HDAC9: variants seen among roughly 807,000 people sequenced by gnomAD.
HDAC9 encodes the protein MEF-2 interacting transcription repressor (MITR) protein.
A neutral mutation model predicts 139.4 loss-of-function variants in HDAC9; 41 were observed. That is an observed-to-expected ratio of 0.29 (90% CI 0.23 to 0.38). The LOEUF (loss-of-function observed/expected upper bound fraction) is 0.38, where lower values mean the gene tolerates loss of function less well. Ranked by LOEUF, HDAC9 falls within the 10% of genes least tolerant of loss-of-function variation. The probability of loss-of-function intolerance (pLI) is 1.00; values close to 1 mark genes in which losing one functional copy is unlikely to be tolerated. For missense variants in HDAC9, 1,147 were observed against 1,297.0 expected (o/e 0.88, Z 1.78); for synonymous variants, 517 against 476.2 (o/e 1.09, Z -1.12).
chr7:18,558,474 A>T (rs952142804), intron 2 of HDAC9, among the ~76,000 whole-genome samples: 7 of 152,288 alleles, frequency 4.6e-5, no homozygotes, highest in Non-Finnish European at 7.4e-5. Flanking sequence ...TGTATCCACC[A>T]TACTCTACAG....
chr7:18,245,344 G>T (rs1794454554), intron 2 of HDAC9, among the ~76,000 whole-genome samples: 1 of 152,140 alleles, frequency 6.6e-6, no homozygotes, highest in African/African-American at 2.4e-5. Context: ...TGCAACCCCT[G>T]ACTTTTCTAT....
At chr7:18,590,204 A>G in intron 3 of HDAC9, 132 bp from the exon 4 acceptor site, 2 of 936,782 alleles carry the variant, frequency 2.1e-6, no homozygotes, top group Non-Finnish European at 3.2e-6. Flanking sequence ...TCAATGATTT[A>G]CAGAAAAAGT....
chr7:18,247,616 C>A (rs1349411410), intron 2 of HDAC9, among the ~76,000 whole-genome samples: 2 of 152,102 alleles, frequency 1.3e-5, no homozygotes, highest in African/African-American at 4.8e-5. Flanking sequence ...GAGGGCAGTA[C>A]CCCCTTCTTC....
intron 1 of HDAC9, among the ~76,000 whole-genome samples, chr7:18,367,386 C>A (rs567817999): frequency 6.6e-6 from 1 of 152,002 alleles, no homozygotes; most frequent in Non-Finnish European, 1.5e-5. Context: ...TATAACACAT[C>A]TGATATTGAA....
At chr7:18,590,120 A>G (rs888692700) in intron 3 of HDAC9, among the ~76,000 whole-genome samples, 1 of 152,246 alleles carries the variant, frequency 6.6e-6, no homozygotes, top group Non-Finnish European at 1.5e-5. Context: ...GGATGCACAG[A>G]TAATGGAGCT....
rs1035839011 is a variant in HDAC9 at position 18,622,934 on chromosome 7, A to G, written c.665-6416A>G. Among the ~76,000 whole-genome samples, 103 of 151,918 alleles carry G rather than the reference A, an allele frequency of 6.8e-4. 1 individual carries two copies. Among genetic ancestry groups the G allele is most frequent in the Non-Finnish European group, 9.6e-4 (65 of 67,990 alleles). The stretch of plus-strand genomic sequence containing the variant: ...CAAGGCAAGCAGAACGCTTGAGCCC[A>G]GGAATTTGAGACCAGCTTGGACAAT... On this transcript the variant is annotated intron_variant, in intron 6 of 25. Transcript: ENST00000686413.
intron 1 of HDAC9, among the ~76,000 whole-genome samples, chr7:18,105,019 A>G (rs1266247996): frequency 6.6e-6 from 1 of 151,564 alleles, no homozygotes; most frequent in Non-Finnish European, 1.5e-5. Context: ...TACTTTTGGA[A>G]TAGCCTTTCT....
At chr7:18,859,223 C>G (rs1289489195) in intron 21 of HDAC9, among the ~76,000 whole-genome samples, 2 of 152,138 alleles carry the variant, frequency 1.3e-5, no homozygotes, top group Non-Finnish European at 2.9e-5. Context: ...ATGCCTGGCA[C>G]CTAGTACATT....
chr7:18,336,732 T>C (rs1000950509), intron 1 of HDAC9, among the ~76,000 whole-genome samples: 1 of 151,634 alleles, frequency 6.6e-6, no homozygotes, highest in African/African-American at 2.4e-5. Flanking sequence ...ATTTATTCCT[T>C]GTCTATATTC....
chr7:18,256,585 C>A (rs1476074267), intron 2 of HDAC9, among the ~76,000 whole-genome samples: 1 of 152,142 alleles, frequency 6.6e-6, no homozygotes, highest in African/African-American at 2.4e-5. Context: ...TGGGAACAAT[C>A]ATAAGGAATT....
intron 12 of HDAC9, among the ~76,000 whole-genome samples, chr7:18,711,657 C>T (rs1221239765): frequency 2.0e-5 from 3 of 152,202 alleles, no homozygotes; most frequent in African/African-American, 7.2e-5. Flanking sequence ...TTACAATCCT[C>T]AGAGTGCAAA....
intron 1 of HDAC9, among the ~76,000 whole-genome samples, chr7:18,440,034 A>C (rs1411288213): frequency 6.6e-6 from 1 of 152,172 alleles, no homozygotes; most frequent in Non-Finnish European, 1.5e-5. Flanking sequence ...CTCTTAATAC[A>C]TTATCAAGGA....
In HDAC9 at chr7:18,375,911, A is replaced by G. The variant is rs546809616; in HGVS notation, c.-42+85396A>G. Among the ~76,000 whole-genome samples the G allele has an allele frequency of 5.3e-5, 8 of 152,336 alleles. No homozygotes were observed. In the South Asian group the frequency reaches 1.0e-3, roughly 20 times the overall value. On this transcript the variant is annotated intron_variant, in intron 1 of 3. Transcript: ENST00000413509. ...GTCATTTTTTTCAAAGATGAAATGAAATCATGTTTGTGAAGAAATAATTAT... is the reference window on the plus strand; with the variant it reads ...GTCATTTTTTTCAAAGATGAAATGAGATCATGTTTGTGAAGAAATAATTAT...
chr7:18,635,803 A>G (rs1783704603), intron 8 of HDAC9, among the ~76,000 whole-genome samples: 1 of 152,010 alleles, frequency 6.6e-6, no homozygotes, highest in South Asian at 2.1e-4. Flanking sequence ...CTTTTCTACC[A>G]TGTGGTTATC....
At chr7:18,793,764 T>C (rs1454524920) in intron 17 of HDAC9, among the ~76,000 whole-genome samples, 1 of 152,170 alleles carries the variant, frequency 6.6e-6, no homozygotes, top group African/African-American at 2.4e-5. Flanking sequence ...ATGTCTGTCA[T>C]GCCATCCTGA....
At chr7:18,440,118 G>C (rs1791610737) in intron 1 of HDAC9, among the ~76,000 whole-genome samples, 1 of 151,800 alleles carries the variant, frequency 6.6e-6, no homozygotes, top group Non-Finnish European at 1.5e-5. Context: ...AAGAATAACT[G>C]GACATTGTTT....
At position 18,835,685 on chromosome 7, in the gene HDAC9, A is replaced by G. The variant is rs368961595; in HGVS notation, c.2586+99A>G. 5 of 1,478,158 alleles carry G rather than the reference A, an allele frequency of 3.4e-6. No homozygotes were observed. The African/African-American group carries it at 6.9e-5, about 21-fold the overall frequency. The allele number at this position is 1,478,158 out of a possible 1,614,324, so 91.6% of individuals were successfully genotyped here. On this transcript the variant is annotated intron_variant, in intron 20 of 25. Transcript: ENST00000686413. ...TTTTCTTGTCCTTTGCTGGTGTTTT[A>G]AATTACACGAGATTACTGAATTGTC...
chr7:18,610,602 C>T (rs1172584242), intron 6 of HDAC9, among the ~76,000 whole-genome samples: 1 of 152,192 alleles, frequency 6.6e-6, no homozygotes, highest in Non-Finnish European at 1.5e-5. Flanking sequence ...AAACCCTAAC[C>T]AGCATTCATC....
At chr7:18,781,116 C>T (rs2129170846) in intron 16 of HDAC9, among the ~76,000 whole-genome samples, 1 of 152,070 alleles carries the variant, frequency 6.6e-6, no homozygotes, top group Non-Finnish European at 1.5e-5. Flanking sequence ...CATGCGCATC[C>T]CTGCTGTCTC....
Sources: gnomAD v4.1 joint callset for allele counts (sites outside exome capture counted in the v4.1 genomes callset) on GRCh38, gnomAD v4.1.1 for gene constraint, MANE v1.5 for transcripts, NCBI Gene and HGNC (gene_info 2026-07-23, HGNC 2026-07-21) for gene names.